CLCN2: variants seen among roughly 807,000 people sequenced by gnomAD.
CLCN2 encodes the protein chloride channel protein 2.
Under a neutral mutation model 108.3 loss-of-function variants are expected in CLCN2, and 72 were observed. The observed-to-expected ratio is 0.66, with a 90% CI of 0.55 to 0.81. CLCN2 has a LOEUF of 0.81. Among genes scored for constraint, CLCN2 ranks in the 30% least tolerant of loss-of-function variants. The probability of loss-of-function intolerance (pLI) is 0.00; values close to 1 mark genes in which losing one functional copy is unlikely to be tolerated. For synonymous variants in CLCN2, 471 were observed against 467.1 expected (o/e 1.01, Z -0.11); for missense variants, 1,048 against 1,205.2 (o/e 0.87, Z 1.93).
At chr3:184,351,466 G>GCGTC (rs1454714719) in intron 22 of CLCN2, among the ~76,000 whole-genome samples, 1 of 152,110 alleles carries the variant, frequency 6.6e-6, no homozygotes, top group Non-Finnish European at 1.5e-5. Flanking sequence ...CCATCTTCCC[G>GCGTC]CGTCCGTACC....
chr3:184,359,123 G>C lies in CLCN2; in HGVS notation c.72C>G (p.Gly24=). ...ALQYEQTLMY[G]RYTQDLGAFA... ...AGGCCCCAAGGTCCTGAGTGTACCG[G>C]CCATACATCTGGAGCAACAGAGGGG... Residue 24 remains glycine, a synonymous_variant, in exon 2 of 24, where the codon GGC becomes GGG. Coordinates refer to ENST00000265593, the MANE Select transcript of CLCN2 (RefSeq NM_004366.6). The C allele has an allele frequency of 1.2e-6, 2 of 1,613,726 alleles. No individual in the cohort carries two copies. The highest frequency in any genetic ancestry group is 1.7e-6 in the Non-Finnish European group (2 of 1,180,046).
At chr3:184,351,125 G>T (rs74635509) in intron 22 of CLCN2, among the ~76,000 whole-genome samples, 1 of 151,884 alleles carries the variant, frequency 6.6e-6, no homozygotes, top group African/African-American at 2.4e-5. Context: ...CTCAGTCTCC[G>T]CTTGTCCATG....
chr3:184,350,925 G>T (rs898851478), intron 22 of CLCN2, among the ~76,000 whole-genome samples: 1 of 152,132 alleles, frequency 6.6e-6, no homozygotes, highest in East Asian at 1.9e-4. Flanking sequence ...TCATCATCAT[G>T]GATGTTTGAG....
At position 184,352,137 on chromosome 3, in the gene CLCN2, AGGTTTAG is replaced by A; in HGVS notation, c.2311-27_2311-21del. 6.2e-7 allele frequency: 1 copy of A among 1,605,394 alleles called. No homozygotes were observed. The highest frequency in any genetic ancestry group is 1.1e-5 in the South Asian group (1 of 90,898). On this transcript the variant is annotated intron_variant, in intron 21 of 23. Transcript: ENST00000265593. ...CAGAATCTGAGGGGAAGAGACTATG[AGGTTTAG>A]GGAGAAGGTGCCTGTAGCTGACCTC...
rs771297290 is a variant in CLCN2 at position 184,353,422 on chromosome 3, T to C, written c.1856A>G (p.Glu619Gly). 23 of 1,605,808 alleles carry C rather than the reference T, an allele frequency of 1.4e-5. No homozygotes were observed. Among genetic ancestry groups the C allele is most frequent in the Non-Finnish European group, 1.6e-5 (19 of 1,176,176 alleles). The change falls in exon 17 of 24, where the codon GAG (glutamate) becomes GGG (glycine). Residue 619 changes from glutamate to glycine, a missense_variant and splice_region_variant. Glu to Gly is a moderately conservative substitution (Grantham distance 98). Transcript: ENST00000265593. ...GATGGAGCCCAGCAGAATCATGGAC[T>C]CTGGACAGAACAGGTGGAAGGACTC... ...GRMLALVESP[E>G]SMILLGSIER...
rs763725903 is a variant in CLCN2 at position 184,353,363 on chromosome 3, G to A, written c.1915C>T (p.Gln639Ter). The A allele has an allele frequency of 6.2e-7, 1 of 1,613,120 alleles. No individual in the cohort carries two copies. Among genetic ancestry groups the A allele is most frequent in the South Asian group, 1.1e-5 (1 of 91,080 alleles). ...TGCCGCCGGCGGGCTGGGCTCAGCT[G>A]GGCCCCCAACAATGCCACCACCTGT... is the stretch of plus-strand genomic sequence containing the variant. The part of the protein sequence containing the change: ...RSQVVALLGA[Q>*]LSPARRRQHM... Residue 639 changes from glutamine to a stop codon, truncating the protein, a stop_gained, in exon 17 of 24, where the codon CAG becomes TAG. Transcript: ENST00000265593. LOFTEE classifies it high-confidence loss of function.
At chr3:184,351,798 AG>A (rs1728116430) in intron 22 of CLCN2, among the ~76,000 whole-genome samples, 1 of 152,152 alleles carries the variant, frequency 6.6e-6, no homozygotes, top group African/African-American at 2.4e-5. Flanking sequence ...GGCTGAGCAG[AG>A]GAAAAACGAT....
Position 184,355,884 on chromosome 3 carries a change from C to T in CLCN2, c.1086-106G>A. The T allele has an allele frequency of 1.1e-6, 1 of 885,184 alleles. No individual in the cohort carries two copies. The highest frequency in any genetic ancestry group is 1.9e-6 in the Non-Finnish European group (1 of 537,830). 54.8% of individuals were successfully genotyped at this position (885,184 alleles called of 1,614,324 possible). A position where few individuals can be genotyped will look rare whatever the true frequency, so the allele number is the denominator to read the frequency against. ...GAGCCTTGGCTCTTTCATGAAAACA[C>T]TCAGTCCTGACAGAAGGTCTCCTTT... On this transcript the variant is annotated intron_variant, in intron 10 of 23. Coordinates refer to ENST00000265593, the MANE Select transcript of CLCN2 (RefSeq NM_004366.6). The surrounding 1 kb of genome is among the most constrained non-coding windows in gnomAD (Gnocchi z 6.3).
rs1433195650 is a variant in CLCN2, at chr3:184,355,304, A to G, written c.1326+70T>C. ...CACTGTGGAGAGGCTTCGAGGAGTG[A>G]GCACTGCGTGGCAGGTGCTTAGAAG... On this transcript the variant is annotated intron_variant, in intron 12 of 23. Coordinates refer to ENST00000265593, the MANE Select transcript of CLCN2 (RefSeq NM_004366.6). This position sits in a 1 kb window ranked among gnomAD's most constrained non-coding sequence, Gnocchi z 6.3. 1 of 1,530,440 alleles carries G rather than the reference A, an allele frequency of 6.5e-7. No homozygotes were observed. The highest frequency in any genetic ancestry group is 1.7e-5 in the Admixed American group (1 of 59,894). The allele number at this position is 1,530,440 out of a possible 1,614,324, so 94.8% of individuals were successfully genotyped here. A position where few individuals can be genotyped will look rare whatever the true frequency, so the allele number is the denominator to read the frequency against.
rs1727667500 is a variant in CLCN2 at position 184,346,383 on chromosome 3, C to T, written c.*223G>A. On this transcript the variant is annotated 3_prime_UTR_variant, in exon 24 of 24. Transcript: ENST00000265593. This position sits in a 1 kb window ranked among gnomAD's most constrained non-coding sequence, Gnocchi z 6.0. ...GTGACCCCAACCCATCCTGCCAGGG[C>T]AGGGCCTATCTTCCTGCCTCTGGAA... is the stretch of plus-strand genomic sequence containing the variant. 1 of 610,532 alleles carries T rather than the reference C, an allele frequency of 1.6e-6. No homozygotes were observed. Among genetic ancestry groups the T allele is most frequent in the East Asian group, 2.8e-5 (1 of 35,298 alleles). The allele number at this position is 610,532 out of a possible 1,614,324, so 37.8% of individuals were successfully genotyped here.
intron 5 of CLCN2, 53 bp from the exon 6 acceptor site, chr3:184,357,909 C>T: frequency 6.2e-7 from 1 of 1,613,652 alleles, no homozygotes; most frequent in Non-Finnish European, 8.5e-7. Context: ...TGACCTTGGC[C>T]TGGCCTCCTC....
Position 184,358,713 on chromosome 3 carries a change from G to A in CLCN2, c.321C>T (p.Val107=), listed in dbSNP as rs1422878347. Residue 107 remains valine, a synonymous_variant, in exon 3 of 24, where the codon GTC becomes GTT. Coordinates refer to ENST00000265593, the MANE Select transcript of CLCN2 (RefSeq NM_004366.6). ...GACAGGCAGCAATGGCATAGTCCAT[G>A]ACCCAGCTGACCAATGCCATGAGAA... The part of the protein sequence containing the change: ...LGLLMALVSW[V]MDYAIAACLQ... 4 of 1,587,704 alleles carry A rather than the reference G, an allele frequency of 2.5e-6. No individual in the cohort carries two copies. The East Asian group carries it at 6.9e-5, about 27-fold the overall frequency.
intron 8 of CLCN2, 47 bp from the exon 9 acceptor site, chr3:184,357,313 C>A (rs936181420): frequency 6.2e-7 from 1 of 1,613,766 alleles, no homozygotes; most frequent in African/African-American, 1.3e-5. Context: ...CTCGTGGGCC[C>A]CCTACCTGGC....
At chr3:184,354,708 G>C (rs1728406776) in intron 13 of CLCN2, 50 bp from the exon 14 acceptor site, 1 of 1,444,362 alleles carries the variant, frequency 6.9e-7, no homozygotes, top group Non-Finnish European at 9.7e-7. Flanking sequence ...GGGGAGGGCA[G>C]GGGGCACTAG....
At chr3:184,360,725 A>C (rs532968640) in intron 1 of CLCN2, among the ~76,000 whole-genome samples, 2 of 152,326 alleles carry the variant, frequency 1.3e-5, no homozygotes, top group South Asian at 2.1e-4. Flanking sequence ...GCGATAAGTC[A>C]GCTCAGAGCC....
At chr3:184,351,419 G>A (rs1037508118) in intron 22 of CLCN2, among the ~76,000 whole-genome samples, 2 of 152,066 alleles carry the variant, frequency 1.3e-5, no homozygotes, top group South Asian at 2.1e-4. Context: ...TCAGTTCCTC[G>A]CCGCATTTCT....
In CLCN2 at chr3:184,358,977, C is replaced by T. The variant is rs144412275; in HGVS notation, c.218G>A (p.Arg73His). Residue 73 changes from arginine to histidine, a missense_variant and splice_region_variant, in exon 2 of 24, where the codon CGC becomes CAC. Coordinates refer to ENST00000265593, the MANE Select transcript of CLCN2 (RefSeq NM_004366.6). ...EYGRSRCARC[R>H]VCSVRCHKFL... Reference sequence around the variant, plus strand: ...CCTGCCCCCACCCCAGTTCTCACCGCGGCATCGGGCGCAACGGCTCCGTCC... The same window carrying T: ...CCTGCCCCCACCCCAGTTCTCACCGTGGCATCGGGCGCAACGGCTCCGTCC... The T allele has an allele frequency of 2.1e-3, 3,371 of 1,613,514 alleles. 11 individuals carry two copies. Among genetic ancestry groups the T allele is most frequent in the Middle Eastern group, 4.8e-3 (29 of 6,056 alleles).
chr3:184,346,323 C>A lies in CLCN2; in HGVS notation c.*283G>T. 1 of 529,038 alleles carries A rather than the reference C, an allele frequency of 1.9e-6. No individual in the cohort carries two copies. Among genetic ancestry groups the A allele is most frequent in the Non-Finnish European group, 3.4e-6 (1 of 290,656 alleles). The allele number at this position is 529,038 out of a possible 1,614,324, so 32.8% of individuals were successfully genotyped here. A position where few individuals can be genotyped will look rare whatever the true frequency, so the allele number is the denominator to read the frequency against. Reference sequence around the variant, plus strand: ...TCCAGTTATAAACCCATCTTAGTTCCACCCCTTTCCCCTCAAAGGGGGAGC... The same window carrying A: ...TCCAGTTATAAACCCATCTTAGTTCAACCCCTTTCCCCTCAAAGGGGGAGC... On this transcript the variant is annotated 3_prime_UTR_variant, in exon 24 of 24. Coordinates refer to ENST00000265593, the MANE Select transcript of CLCN2 (RefSeq NM_004366.6). This position sits in a 1 kb window ranked among gnomAD's most constrained non-coding sequence, Gnocchi z 6.0.
In CLCN2 at chr3:184,355,628, G is replaced by A. The variant is rs1471547053; in HGVS notation, c.1170+66C>T. On this transcript the variant is annotated intron_variant, in intron 11 of 23. Transcript: ENST00000265593. This position sits in a 1 kb window ranked among gnomAD's most constrained non-coding sequence, Gnocchi z 6.3. ...ACAAGGGGTCCCACAGTCACACTGG[G>A]GCTGTTGGCTTTGGAGGAATGCCTT... The A allele has an allele frequency of 6.2e-6, 10 of 1,602,012 alleles. No individual in the cohort carries two copies. In the East Asian group the frequency reaches 1.8e-4, roughly 29 times the overall value.
Sources: allele counts gnomAD v4.1 joint callset (sites outside exome capture counted in the v4.1 genomes callset), GRCh38; gene constraint gnomAD v4.1.1; non-coding constraint Gnocchi (gnomAD v3.1); transcripts MANE v1.5; gene names NCBI Gene and HGNC (gene_info 2026-07-23, HGNC 2026-07-21).